The following GCNT3 variants were observed in gnomAD, a reference collection of about 807,000 sequenced individuals.
The protein encoded by GCNT3 is glucosaminyl (N-acetyl) transferase 3, mucin type.
For synonymous variants in GCNT3, 269 were observed against 195.2 expected, an observed-to-expected ratio of 1.38 and a Z score of -3.15; for missense variants, 708 against 530.3, an observed-to-expected ratio of 1.34 and a Z score of -3.29.
rs796462159 is a variant in GCNT3 at position 59,619,019 on chromosome 15, A to G, written c.781A>G (p.Lys261Glu). ...SMESEVPPKH[K>E]ETRWKYHFEV... ...GGAGTCAGAGGTACCTCCTAAGCAC[A>G]AAGAAACCCGCTGGAAATATCACTT... The change falls in exon 3 of 3, where the codon AAA becomes GAA. Residue 261 changes from lysine (K) to glutamate (E), a missense_variant. Coordinates refer to ENST00000396065, the MANE Select transcript of GCNT3 (RefSeq NM_004751.3). 1.2e-6 allele frequency: 2 copies of G among 1,614,198 alleles called. No individual in the cohort carries two copies. The highest frequency in any genetic ancestry group is 3.3e-5 in the Admixed American group (2 of 60,020).
chr15:59,620,871 C>CTTTTTTTTTTTTTTTTTT lies in GCNT3; in HGVS notation c.*1328_*1345dup, dbSNP rs35956614. ...TGTTTAGGCCTCTTGAGTCAAAACTCTTTTTTTTTTTTTTTTTTTTTTTTT... is the reference window on the plus strand; with the variant it reads ...TGTTTAGGCCTCTTGAGTCAAAACTCTTTTTTTTTTTTTTTTTTTTTTTTTTTTTTTTTTTTTTTTTTT... On this transcript the variant is annotated 3_prime_UTR_variant, in exon 3 of 3. Coordinates refer to ENST00000396065, the MANE Select transcript of GCNT3 (RefSeq NM_004751.3). 9 of 51,150 alleles carry CTTTTTTTTTTTTTTTTTT rather than the reference C, an allele frequency of 1.8e-4. No homozygotes were observed. Among genetic ancestry groups the CTTTTTTTTTTTTTTTTTT allele is most frequent in the African/African-American group, 4.6e-4 (7 of 15,372 alleles). 3.2% of individuals were successfully genotyped at this position (51,150 alleles called of 1,614,324 possible).
rs1039129590 is a variant in GCNT3, at chr15:59,611,876, G to T, written c.-356G>T. ...CAGTTTTTGTTCTGGGAAGCCCTGGGATTCTGCTAATACCTATCACTGTAG... is the reference window on the plus strand; with the variant it reads ...CAGTTTTTGTTCTGGGAAGCCCTGGTATTCTGCTAATACCTATCACTGTAG... On this transcript the variant is annotated 5_prime_UTR_variant, in exon 1 of 3. Transcript: ENST00000396065. 6.6e-6 allele frequency: 1 copy of T among 152,210 alleles called. No homozygotes were observed. Among genetic ancestry groups the T allele is most frequent in the Admixed American group, 6.5e-5 (1 of 15,270 alleles). The allele number at this position is 152,210 out of a possible 1,614,324, so 9.4% of individuals were successfully genotyped here.
intron 2 of GCNT3, among the ~76,000 whole-genome samples, chr15:59,617,319 G>A (rs1429339623): frequency 4.6e-5 from 7 of 151,796 alleles, no homozygotes; most frequent in African/African-American, 1.7e-4. Flanking sequence ...CAAGCATTAG[G>A]CTTGTAGACA....
rs2082739057 is a variant in GCNT3, at chr15:59,619,754, T to C, written c.*199T>C. The C allele has an allele frequency of 3.6e-6, 2 of 552,000 alleles. No homozygotes were observed. Among genetic ancestry groups the C allele is most frequent in the Admixed American group, 3.2e-5 (1 of 31,392 alleles). 34.2% of individuals were successfully genotyped at this position (552,000 alleles called of 1,614,324 possible). On this transcript the variant is annotated 3_prime_UTR_variant, in exon 3 of 3. Coordinates refer to ENST00000396065, the MANE Select transcript of GCNT3 (RefSeq NM_004751.3). ...GCCTGGGTGAATGCTGCTTGTTCTC[T>C]CACCCCTAACCCTAGTAGTTCCTCC...
At position 59,618,946 on chromosome 15, in the gene GCNT3, T is replaced by C. The variant is rs764994654; in HGVS notation, c.708T>C (p.Asn236=). ...TCGTDFPIKS[N]AEMVQALKML... Reference sequence around the variant, plus strand: ...GGACGGACTTTCCTATAAAGAGCAATGCAGAGATGGTCCAGGCTCTCAAGA... The same window carrying C: ...GGACGGACTTTCCTATAAAGAGCAACGCAGAGATGGTCCAGGCTCTCAAGA... Residue 236 remains asparagine, a synonymous_variant, in exon 3 of 3, where the codon AAT becomes AAC. Transcript: ENST00000396065. 3.1e-6 allele frequency: 5 copies of C among 1,614,028 alleles called. 1 individual carries two copies. The South Asian group carries it at 5.5e-5, about 18-fold the overall frequency.
chr15:59,618,378 C>G lies in GCNT3; in HGVS notation c.140C>G (p.Ser47Cys). ...CACTTGGGTCTGGAGTCCAGGGAAT[C>G]TCAAAGCCAGTACTGTAGGAATATC... The part of the protein sequence containing the change: ...SDHLGLESRE[S>C]QSQYCRNILY... Residue 47 changes from serine to cysteine, a missense_variant, in exon 3 of 3, where the codon TCT becomes TGT. Coordinates refer to ENST00000396065, the MANE Select transcript of GCNT3 (RefSeq NM_004751.3). 10 of 1,614,074 alleles carry G rather than the reference C, an allele frequency of 6.2e-6. No homozygotes were observed. The highest frequency in any genetic ancestry group is 8.5e-6 in the Non-Finnish European group (10 of 1,179,958).
rs1890931292 is a variant in GCNT3 at position 59,621,535 on chromosome 15, G to C, written c.*1980G>C. On this transcript the variant is annotated 3_prime_UTR_variant, in exon 3 of 3. Transcript: ENST00000396065. ...GCAAGTTAATTGGTGTAATCTGAAG[G>C]ATGCTCCCATTAATACGTCATGATG... is the stretch of plus-strand genomic sequence containing the variant. 6.7e-6 allele frequency: 1 copy of C among 148,790 alleles called. No homozygotes were observed. Among genetic ancestry groups the C allele is most frequent in the Admixed American group, 6.7e-5 (1 of 14,928 alleles). The allele number at this position is 148,790 out of a possible 1,614,324, so 9.2% of individuals were successfully genotyped here.
rs766859367 is a variant in GCNT3, at chr15:59,619,683, T to C, written c.*128T>C. 6 of 696,308 alleles carry C rather than the reference T, an allele frequency of 8.6e-6. No individual in the cohort carries two copies. The highest frequency in any genetic ancestry group is 1.8e-5 in the African/African-American group (1 of 56,162). 43.1% of individuals were successfully genotyped at this position (696,308 alleles called of 1,614,324 possible). ...GTGGCATCCTTTAGGATAAGAGGGC[T>C]GCTATTAGAGTGTGGGTAAGTAGAT... is the stretch of plus-strand genomic sequence containing the variant. On this transcript the variant is annotated 3_prime_UTR_variant, in exon 3 of 3. Coordinates refer to ENST00000396065, the MANE Select transcript of GCNT3 (RefSeq NM_004751.3).
chr15:59,615,671 C>T (rs1417891720), intron 1 of GCNT3, among the ~76,000 whole-genome samples: 4 of 151,702 alleles, frequency 2.6e-5, no homozygotes, highest in Admixed American at 6.6e-5. Context: ...TCACTTGAGC[C>T]CAGGAATTTG....
At chr15:59,612,114 C>A (rs550163601) in intron 1 of GCNT3, 133 bp downstream of exon 1, 2 of 152,362 alleles carry the variant, frequency 1.3e-5, no homozygotes, top group African/African-American at 4.8e-5. Flanking sequence ...GAGCCTCCGT[C>A]AAGGTTAACA....
In GCNT3 at chr15:59,618,503, C is replaced by T; in HGVS notation, c.265C>T (p.Leu89=). ...EAVLQAILNN[L]EVKKKREPFT... is the part of the protein sequence containing the mutation. ...AGTGCTTCAGGCTATTCTGAATAACCTGGAGGTCAAGAAGAAGCGAGAGCC... is the reference window on the plus strand; with the variant it reads ...AGTGCTTCAGGCTATTCTGAATAACTTGGAGGTCAAGAAGAAGCGAGAGCC... The change falls in exon 3 of 3, where the codon CTG becomes TTG. Residue 89 remains leucine, a synonymous_variant. Coordinates refer to ENST00000396065, the MANE Select transcript of GCNT3 (RefSeq NM_004751.3). 6.2e-7 allele frequency: 1 copy of T among 1,614,148 alleles called. No individual in the cohort carries two copies. Among genetic ancestry groups the T allele is most frequent in the Non-Finnish European group, 8.5e-7 (1 of 1,180,016 alleles).
At position 59,619,182 on chromosome 15, in the gene GCNT3, C is replaced by A; in HGVS notation, c.944C>A (p.Ser315Tyr). ...FVQHVLKNPK[S>Y]QQLIEWVKDT... ...CAACATGTTTTGAAGAACCCTAAATCCCAACAACTGATTGAATGGGTAAAA... is the reference window on the plus strand; with the variant it reads ...CAACATGTTTTGAAGAACCCTAAATACCAACAACTGATTGAATGGGTAAAA... Residue 315 changes from serine (S) to tyrosine (Y), a missense_variant, in exon 3 of 3, where the codon TCC becomes TAC. Physicochemically the swap from Ser to Tyr is moderately radical, Grantham distance 144. Coordinates refer to ENST00000396065, the MANE Select transcript of GCNT3 (RefSeq NM_004751.3). The A allele has an allele frequency of 6.2e-7, 1 of 1,614,020 alleles. No homozygotes were observed. The highest frequency in any genetic ancestry group is 1.1e-5 in the South Asian group (1 of 91,062).
At chr15:59,613,400 C>T (rs781680586) in intron 1 of GCNT3, among the ~76,000 whole-genome samples, 18 of 151,818 alleles carry the variant, frequency 1.2e-4, no homozygotes, top group Non-Finnish European at 2.4e-4. Context: ...ACTTTGGTTA[C>T]CTTAAAAATA....
Position 59,621,671 on chromosome 15 carries a change from T to C in GCNT3, c.*2116T>C, listed in dbSNP as rs1056610441. On this transcript the variant is annotated 3_prime_UTR_variant, in exon 3 of 3. Transcript: ENST00000396065. ...CAACGAATGGCGCAATCTTGGCTCA[T>C]TACAACCTCCGCCTCCTGGGTCCAA... 1.4e-5 allele frequency: 2 copies of C among 139,176 alleles called. No homozygotes were observed. Among genetic ancestry groups the C allele is most frequent in the Non-Finnish European group, 3.1e-5 (2 of 65,380 alleles). The allele number at this position is 139,176 out of a possible 1,614,324, so 8.6% of individuals were successfully genotyped here.
intron 1 of GCNT3, chr15:59,614,904 AGTCAGAGGCC>A (rs1330156385): frequency 4.6e-5 from 7 of 152,196 alleles, no homozygotes; most frequent in Admixed American, 2.6e-4. Flanking sequence ...GCTTCATCTA[AGTCAGAGGCC>A]GGTGGGCAGA....
Position 59,619,021 on chromosome 15 carries a change from A to G in GCNT3, c.783A>G (p.Lys261=). ...SMESEVPPKH[K]ETRWKYHFEV... ...AGTCAGAGGTACCTCCTAAGCACAAAGAAACCCGCTGGAAATATCACTTTG... is the reference window on the plus strand; with the variant it reads ...AGTCAGAGGTACCTCCTAAGCACAAGGAAACCCGCTGGAAATATCACTTTG... Residue 261 remains lysine (K), a synonymous_variant, in exon 3 of 3, where the codon AAA becomes AAG. Transcript: ENST00000396065. 1 of 1,614,208 alleles carries G rather than the reference A, an allele frequency of 6.2e-7. No individual in the cohort carries two copies. Among genetic ancestry groups the G allele is most frequent in the East Asian group, 2.2e-5 (1 of 44,888 alleles).
rs781161706 is a variant in GCNT3 at position 59,621,591 on chromosome 15, T to TTTTTCTTTTCTTTTC, written c.*2036_*2037insTTTTCTTTTCTTTTC. The TTTTTCTTTTCTTTTC allele has an allele frequency of 9.2e-6, 1 of 108,360 alleles. No individual in the cohort carries two copies. Among genetic ancestry groups the TTTTTCTTTTCTTTTC allele is most frequent in the African/African-American group, 3.6e-5 (1 of 27,874 alleles). 6.7% of individuals were successfully genotyped at this position (108,360 alleles called of 1,614,324 possible). On this transcript the variant is annotated 3_prime_UTR_variant, in exon 3 of 3. Transcript: ENST00000396065. ...AATATGTTTCTTCCTTTCTGATTTT[T>TTTTTCTTTTCTTTTC]GTTTTTTTTTTTTTTTTTGAGACAG...
chr15:59,622,125 C>A lies in GCNT3; in HGVS notation c.*2570C>A, dbSNP rs1890947705. The A allele has an allele frequency of 6.6e-6, 1 of 151,542 alleles. No individual in the cohort carries two copies. The highest frequency in any genetic ancestry group is 6.6e-5 in the Admixed American group (1 of 15,210). 9.4% of individuals were successfully genotyped at this position (151,542 alleles called of 1,614,324 possible). The stretch of plus-strand genomic sequence containing the variant: ...GTCAGGAGTTCAAGATCAGCCTGGC[C>A]AACATGGTGAATCCCCATCTCTACT... On this transcript the variant is annotated 3_prime_UTR_variant, in exon 3 of 3. Coordinates refer to ENST00000396065, the MANE Select transcript of GCNT3 (RefSeq NM_004751.3).
chr15:59,619,635 G>T lies in GCNT3; in HGVS notation c.*80G>T. On this transcript the variant is annotated 3_prime_UTR_variant, in exon 3 of 3. Transcript: ENST00000396065. The stretch of plus-strand genomic sequence containing the variant: ...CAGAACTTGCTGGGACAGTGTGGGT[G>T]GGAGACCAGGGCTTTGCAATTCGTG... 1 of 884,784 alleles carries T rather than the reference G, an allele frequency of 1.1e-6. No individual in the cohort carries two copies. The highest frequency in any genetic ancestry group is 1.8e-6 in the Non-Finnish European group (1 of 552,500). 54.8% of individuals were successfully genotyped at this position (884,784 alleles called of 1,614,324 possible). A position where few individuals can be genotyped will look rare whatever the true frequency, so the allele number is the denominator to read the frequency against.
Sources: gnomAD v4.1 joint callset for allele counts (sites outside exome capture counted in the v4.1 genomes callset) on GRCh38, gnomAD v4.1.1 for gene constraint, MANE v1.5 for transcripts, NCBI Gene and HGNC (gene_info 2026-07-23, HGNC 2026-07-21) for gene names.